Variants in SCHIP1 observed in about 807,000 individuals in gnomAD.
The protein encoded by SCHIP1 is schwannomin interacting protein 1, also known as schwannomin-interacting protein 1.
SCHIP1 carries 8 observed loss-of-function variants against 29.7 expected under a neutral mutation model. The observed-to-expected ratio is 0.27, with a 90% CI of 0.16 to 0.49. The LOEUF is 0.49. SCHIP1 is among the 20% of genes least tolerant of loss of function. The pLI, the probability that SCHIP1 is intolerant of heterozygous loss-of-function variation, is 0.99. For synonymous variants in SCHIP1, 76 were observed against 94.9 expected (o/e 0.80, Z 1.16); for missense variants, 193 against 294.6 (o/e 0.66, Z 2.52).
the SCHIP1 span, among the ~76,000 whole-genome samples, chr3:159,323,733 CT>C: frequency 6.6e-6 from 1 of 152,174 alleles, no homozygotes; most frequent in South Asian, 2.1e-4. Flanking sequence ...GCCACTGTCA[CT>C]TGGTTTGGCA....
the SCHIP1 span, among the ~76,000 whole-genome samples, chr3:159,625,211 C>T: frequency 6.6e-6 from 1 of 152,170 alleles, no homozygotes; most frequent in Non-Finnish European, 1.5e-5. Flanking sequence ...CACTTCCTAA[C>T]CCTATGGCCT....
At chr3:159,631,254 G>T in the SCHIP1 span, among the ~76,000 whole-genome samples, 1 of 152,000 alleles carries the variant, frequency 6.6e-6, no homozygotes, top group Non-Finnish European at 1.5e-5. Flanking sequence ...ATGTAAAATG[G>T]TGTGACTACT....
the SCHIP1 span, among the ~76,000 whole-genome samples, chr3:159,579,745 T>A: frequency 3.8e-4 from 58 of 152,314 alleles, no homozygotes; most frequent in Non-Finnish European, 7.2e-4. Flanking sequence ...CCTTAAGAAT[T>A]GAGTTCAACA....
the SCHIP1 span, among the ~76,000 whole-genome samples, chr3:159,423,542 C>T: frequency 1.3e-5 from 2 of 152,252 alleles, no homozygotes; most frequent in Non-Finnish European, 2.9e-5. Context: ...CTTAGGTAAA[C>T]AAAGCAGCTG....
the SCHIP1 span, among the ~76,000 whole-genome samples, chr3:159,602,946 G>A: frequency 6.6e-6 from 1 of 152,126 alleles, no homozygotes; most frequent in African/African-American, 2.4e-5. Flanking sequence ...CCTGGAGATA[G>A]CATGATATCT....
the SCHIP1 span, among the ~76,000 whole-genome samples, chr3:159,824,694 G>A: frequency 6.6e-6 from 1 of 152,194 alleles, no homozygotes; most frequent in African/African-American, 2.4e-5. Context: ...TAATGATGCT[G>A]TAATATAAAA....
the SCHIP1 span, among the ~76,000 whole-genome samples, chr3:159,309,790 G>T: frequency 6.6e-6 from 1 of 151,980 alleles, no homozygotes; most frequent in Non-Finnish European, 1.5e-5. Flanking sequence ...ACTTTATTTG[G>T]GTGAGCACTT....
chr3:159,764,706 G>T, the SCHIP1 span: 3 of 1,577,500 alleles, frequency 1.9e-6, no homozygotes, highest in Non-Finnish European at 2.6e-6. The surrounding 1 kb of genome is among the most constrained non-coding windows in gnomAD (Gnocchi z 6.1). Flanking sequence ...AGCGCGACCA[G>T]CGAGGGTACC....
At chr3:159,279,263 T>C in the SCHIP1 span, among the ~76,000 whole-genome samples, 1 of 152,184 alleles carries the variant, frequency 6.6e-6, no homozygotes, top group Non-Finnish European at 1.5e-5. Flanking sequence ...TAAAGGGCAG[T>C]TCCCCTGCAC....
the SCHIP1 span, among the ~76,000 whole-genome samples, chr3:159,787,014 G>C: frequency 6.6e-6 from 1 of 152,186 alleles, no homozygotes; most frequent in African/African-American, 2.4e-5. Context: ...GAGAAGACTT[G>C]TTGAGGGTTG....
chr3:159,416,390 C>T, the SCHIP1 span, among the ~76,000 whole-genome samples: 145,627 of 152,304 alleles, frequency 0.96, 69,653 homozygotes, highest in Admixed American at 0.97. Flanking sequence ...TTCTTGTTTA[C>T]TGTCCATTTT....
the SCHIP1 span, among the ~76,000 whole-genome samples, chr3:159,377,099 T>C: frequency 0.99 from 151,002 of 152,336 alleles, 74,845 homozygotes; most frequent in Middle Eastern, 1. Flanking sequence ...TAAAAAGTAG[T>C]CTTGATTGCC....
the SCHIP1 span, among the ~76,000 whole-genome samples, chr3:159,482,640 A>G: frequency 2.6e-5 from 4 of 152,200 alleles, no homozygotes; most frequent in African/African-American, 9.6e-5. Flanking sequence ...TTTTTCTAGT[A>G]TATGCACACT....
chr3:159,359,024 T>C, the SCHIP1 span, among the ~76,000 whole-genome samples: 1 of 148,098 alleles, frequency 6.8e-6, no homozygotes, highest in South Asian at 2.2e-4. Context: ...GCCTCCCTGG[T>C]TCAAGCGATT....
At chr3:159,328,217 C>T in the SCHIP1 span, among the ~76,000 whole-genome samples, 1 of 152,170 alleles carries the variant, frequency 6.6e-6, no homozygotes, top group South Asian at 2.1e-4. Context: ...GTAATGACTA[C>T]TATATTAGAT....
chr3:159,446,397 G>C, the SCHIP1 span, among the ~76,000 whole-genome samples: 1 of 151,700 alleles, frequency 6.6e-6, no homozygotes, highest in Non-Finnish European at 1.5e-5. Context: ...CAATATTGTT[G>C]CAATACAGCA....
At chr3:159,525,492 C>T in the SCHIP1 span, among the ~76,000 whole-genome samples, 1 of 152,216 alleles carries the variant, frequency 6.6e-6, no homozygotes, top group African/African-American at 2.4e-5. Context: ...GCACACAATA[C>T]TTGAATGGTC....
chr3:159,552,119 G>T, the SCHIP1 span, among the ~76,000 whole-genome samples: 1 of 143,904 alleles, frequency 6.9e-6, no homozygotes, highest in African/African-American at 2.6e-5. Context: ...GCTCACTGCA[G>T]CCTCCGCCTC....
chr3:159,721,383 A>T, the SCHIP1 span: 1 of 152,258 alleles, frequency 6.6e-6, no homozygotes, highest in Non-Finnish European at 1.5e-5. Context: ...AAAATCCAGC[A>T]GGTAAGCAGC....
Sources: allele counts gnomAD v4.1 joint callset (sites outside exome capture counted in the v4.1 genomes callset), GRCh38; gene constraint gnomAD v4.1.1; non-coding constraint Gnocchi (gnomAD v3.1); transcripts MANE v1.5; gene names NCBI Gene and HGNC (gene_info 2026-07-23, HGNC 2026-07-21).